The following KSR1 variants were observed in gnomAD, a reference collection of about 807,000 sequenced individuals.
KSR1 encodes kinase suppressor of ras.
KSR1 carries 35 observed loss-of-function variants against 92.9 expected under a neutral mutation model. That is an observed-to-expected ratio of 0.38 (90% CI 0.29 to 0.50). KSR1 has a LOEUF of 0.50. KSR1 is among the 20% of genes least tolerant of loss of function. KSR1 has a pLI of 0.94. For synonymous variants in KSR1, 467 were observed against 472.6 expected (o/e 0.99, Z 0.15); for missense variants, 972 against 1,158.5 (o/e 0.84, Z 2.34).
At chr17:27,525,889 C>G (rs1297106418) in intron 1 of KSR1, among the ~76,000 whole-genome samples, 1 of 152,190 alleles carries the variant, frequency 6.6e-6, no homozygotes, top group Non-Finnish European at 1.5e-5. Context: ...TACAGGTGTG[C>G]TATAGGGAGA....
intron 1 of KSR1, among the ~76,000 whole-genome samples, chr17:27,525,068 A>G (rs149711502): frequency 7.4e-4 from 112 of 152,376 alleles, no homozygotes; most frequent in African/African-American, 2.7e-3. Context: ...AGTCACCCGC[A>G]TCAGTCCTTC....
At chr17:27,560,669 G>A (rs953104181) in intron 2 of KSR1, among the ~76,000 whole-genome samples, 1 of 152,230 alleles carries the variant, frequency 6.6e-6, no homozygotes, top group African/African-American at 2.4e-5. Flanking sequence ...AGTAGGATGT[G>A]TGAGACCTAA....
intron 1 of KSR1, among the ~76,000 whole-genome samples, chr17:27,487,221 G>A (rs564508798): frequency 6.6e-6 from 1 of 152,258 alleles, no homozygotes; most frequent in South Asian, 2.1e-4. Flanking sequence ...GATCACCTGA[G>A]GTCAGGAGTT....
rs185950459 is a variant in KSR1, at chr17:27,542,290, C to G, written c.232-8278C>G. ...ATTCTGTAACTGAGGGAGCCTGCTA[C>G]TATACATGGGAAACTGGTGTCCATG... On this transcript the variant is annotated intron_variant, in intron 1 of 20. Coordinates refer to ENST00000644974, the MANE Select transcript of KSR1 (RefSeq NM_001394583.1). Among the ~76,000 whole-genome samples, 105 of 152,288 alleles carry G rather than the reference C, an allele frequency of 6.9e-4. 1 individual carries two copies. The highest frequency in any genetic ancestry group is 9.4e-4 in the Non-Finnish European group (64 of 68,024).
At chr17:27,520,434 T>C (rs2069974345) in intron 1 of KSR1, among the ~76,000 whole-genome samples, 1 of 152,244 alleles carries the variant, frequency 6.6e-6, no homozygotes, top group Admixed American at 6.5e-5. Context: ...ACTTTAACTC[T>C]GGAAAGCTTA....
chr17:27,560,125 G>A (rs1177198229), intron 2 of KSR1, among the ~76,000 whole-genome samples: 1 of 152,236 alleles, frequency 6.6e-6, no homozygotes, highest in African/African-American at 2.4e-5. Flanking sequence ...CAGAGGCGGG[G>A]CCCTGCCCCG....
intron 11 of KSR1, 37 bp from the exon 12 acceptor site, chr17:27,603,797 A>G (rs1207597763): frequency 5.6e-6 from 9 of 1,610,140 alleles, no homozygotes; most frequent in Non-Finnish European, 7.6e-6. Context: ...AGAGGAAAGC[A>G]ATCTCATGCT....
chr17:27,483,949 A>T (rs1351415116), intron 1 of KSR1: 1 of 152,290 alleles, frequency 6.6e-6, no homozygotes, highest in Non-Finnish European at 1.5e-5. Flanking sequence ...TTCTTCCTGC[A>T]GCTCTCTTTG....
chr17:27,479,082 C>G (rs2068434568), intron 1 of KSR1, among the ~76,000 whole-genome samples: 1 of 149,938 alleles, frequency 6.7e-6, no homozygotes, highest in South Asian at 2.1e-4. Context: ...CTCCCTCCCT[C>G]CATGCTCTTC....
intron 2 of KSR1, among the ~76,000 whole-genome samples, chr17:27,574,881 A>T (rs1332639090): frequency 6.6e-6 from 1 of 152,234 alleles, no homozygotes; most frequent in Non-Finnish European, 1.5e-5. Context: ...AGACAAAAAA[A>T]GGTCTGATCT....
Position 27,574,676 on chromosome 17 carries a change from C to T in KSR1, c.373-2816C>T, listed in dbSNP as rs559729250. On this transcript the variant is annotated intron_variant, in intron 2 of 20. Transcript: ENST00000644974. Reference sequence around the variant, plus strand: ...GTATCTTCATTAGGGTTAGTTTTGACGCTTGAGACAAGGAATTACAGCATG... The same window carrying T: ...GTATCTTCATTAGGGTTAGTTTTGATGCTTGAGACAAGGAATTACAGCATG... 7.9e-5 allele frequency among the ~76,000 whole-genome samples: 12 copies of T among 152,240 alleles called. No homozygotes were observed. The East Asian group carries it at 1.2e-3, about 15-fold the overall frequency.
In KSR1 at chr17:27,610,722, G is replaced by A. The variant is rs565053422; in HGVS notation, c.2357+524G>A. 1.2e-4 allele frequency among the ~76,000 whole-genome samples: 18 copies of A among 152,256 alleles called. No individual in the cohort carries two copies. The South Asian group carries it at 1.2e-3, about 11-fold the overall frequency. On this transcript the variant is annotated intron_variant, in intron 17 of 20. Transcript: ENST00000644974. ...GTTTATGTTTTATATATTATAAAAC[G>A]ATATATTTTATTTAACTCAATATAT...
At chr17:27,533,175 G>A (rs921926907) in intron 1 of KSR1, among the ~76,000 whole-genome samples, 7 of 152,104 alleles carry the variant, frequency 4.6e-5, no homozygotes, top group African/African-American at 1.2e-4. Flanking sequence ...CTTACTAGCC[G>A]CATGACATGG....
At chr17:27,516,335 G>T (rs564027963) in intron 1 of KSR1, among the ~76,000 whole-genome samples, 1 of 152,234 alleles carries the variant, frequency 6.6e-6, no homozygotes, top group South Asian at 2.1e-4. Flanking sequence ...TCACAGATGG[G>T]GTGTGTTAAT....
rs1160200043 is a variant in KSR1 at position 27,456,618 on chromosome 17, G to A, written c.-26G>A. The A allele has an allele frequency of 4.4e-5, 21 of 476,226 alleles. No individual in the cohort carries two copies. The South Asian group carries it at 8.1e-4, about 18-fold the overall frequency. The allele number at this position is 476,226 out of a possible 1,614,324, so 29.5% of individuals were successfully genotyped here. ...GCCCGCGCCCCGGGCTCCCAGCCTC[G>A]GCCGCCGCGGCCCCGATGCCGAGGC... On this transcript the variant is annotated 5_prime_UTR_variant, in exon 1 of 21. Transcript: ENST00000644974.
intron 1 of KSR1, among the ~76,000 whole-genome samples, chr17:27,483,228 C>G (rs548994813): frequency 1.6e-4 from 25 of 152,230 alleles, no homozygotes; most frequent in Non-Finnish European, 3.2e-4. Flanking sequence ...AAATTATGTG[C>G]TCTTAAAAAT....
chr17:27,457,541 G>A (rs1368662612), intron 1 of KSR1, among the ~76,000 whole-genome samples: 1 of 152,192 alleles, frequency 6.6e-6, no homozygotes, highest in Non-Finnish European at 1.5e-5. Context: ...GGATTATGCT[G>A]GGAAGCAAGC....
chr17:27,599,992 C>T (rs1567873958), intron 10 of KSR1, among the ~76,000 whole-genome samples: 1 of 151,724 alleles, frequency 6.6e-6, no homozygotes, highest in Admixed American at 6.6e-5. Flanking sequence ...GGAAGGTCTT[C>T]GGGGCAGTGA....
At chr17:27,537,781 A>C (rs917910494) in intron 1 of KSR1, among the ~76,000 whole-genome samples, 1 of 152,242 alleles carries the variant, frequency 6.6e-6, no homozygotes, top group African/African-American at 2.4e-5. Context: ...CATGATGCCT[A>C]GTACCTAGGA....
Sources: gnomAD v4.1 joint callset for allele counts (sites outside exome capture counted in the v4.1 genomes callset) on GRCh38, gnomAD v4.1.1 for gene constraint, MANE v1.5 for transcripts, NCBI Gene and HGNC (gene_info 2026-07-23, HGNC 2026-07-21) for gene names.